The following TENM2 variants were observed in gnomAD, a reference collection of about 807,000 sequenced individuals.
TENM2 encodes the protein teneurin-2.
TENM2 carries 52 observed loss-of-function variants against 245.2 expected under a neutral mutation model. That is an observed-to-expected ratio of 0.21 (90% CI 0.17 to 0.27). The LOEUF (loss-of-function observed/expected upper bound fraction) is 0.27. Ranked by LOEUF, TENM2 falls within the 10% of genes least tolerant of loss-of-function variation. The probability of loss-of-function intolerance (pLI) is 1.00; values close to 1 mark genes in which losing one functional copy is unlikely to be tolerated. For synonymous variants in TENM2, 1,363 were observed against 1,438.9 expected (o/e 0.95, Z 1.19); for missense variants, 3,046 against 3,666.8 (o/e 0.83, Z 4.37).
At chr5:168,195,215 T>G in exon 15 of TENM2, 1 of 1,608,508 alleles carries the variant, frequency 6.2e-7, no homozygotes, top group Non-Finnish European at 8.5e-7. Context: ...TAACTACAGA[T>G]GGAACTCCCC....
the TENM2 span, among the ~76,000 whole-genome samples, chr5:166,980,597 A>G: frequency 2.0e-5 from 3 of 152,150 alleles, no homozygotes; most frequent in Non-Finnish European, 4.4e-5. Flanking sequence ...TTAAGTTTTC[A>G]GTTCCAGTTG....
chr5:168,210,820 G>C (rs921802124), intron 19 of TENM2, among the ~76,000 whole-genome samples: 2 of 151,888 alleles, frequency 1.3e-5, no homozygotes, highest in Non-Finnish European at 2.9e-5. Flanking sequence ...TTCCACTTTG[G>C]CCTAGAAGCC....
At chr5:168,134,809 C>T (rs933220602) in intron 12 of TENM2, among the ~76,000 whole-genome samples, 1 of 152,202 alleles carries the variant, frequency 6.6e-6, no homozygotes, top group Non-Finnish European at 1.5e-5. Context: ...CTTTTCCAAA[C>T]AAAGGTTGTT....
intron 2 of TENM2, among the ~76,000 whole-genome samples, chr5:167,803,463 C>T (rs1186511891): frequency 6.6e-6 from 1 of 152,060 alleles, no homozygotes; most frequent in Admixed American, 6.6e-5. Context: ...CTTTCCTAGT[C>T]TCCATTTTTC....
intron 1 of TENM2, among the ~76,000 whole-genome samples, chr5:167,322,353 C>T (rs1208709916): frequency 6.6e-6 from 1 of 152,088 alleles, no homozygotes. Context: ...CTGTTAGCCA[C>T]CCATACCGTG....
chr5:168,026,899 A>T (rs948367079), intron 5 of TENM2, among the ~76,000 whole-genome samples: 18 of 152,226 alleles, frequency 1.2e-4, no homozygotes, highest in Non-Finnish European at 2.2e-4. Context: ...GCATACACAG[A>T]TAAAACCAAG....
the TENM2 span, among the ~76,000 whole-genome samples, chr5:167,179,366 A>G: frequency 2.6e-5 from 4 of 152,160 alleles, no homozygotes; most frequent in East Asian, 7.7e-4. Context: ...AGACAGATTT[A>G]TTTTTATGTT....
chr5:167,755,991 C>T (rs1762286844), intron 2 of TENM2, among the ~76,000 whole-genome samples: 1 of 152,094 alleles, frequency 6.6e-6, no homozygotes, highest in Admixed American at 6.6e-5. Flanking sequence ...GAGTTGCTCT[C>T]ATTTTATTAG....
intron 2 of TENM2, among the ~76,000 whole-genome samples, chr5:167,403,224 T>C (rs2127389282): frequency 6.6e-6 from 1 of 152,178 alleles, no homozygotes; most frequent in Non-Finnish European, 1.5e-5. Context: ...AGAATAATAC[T>C]AATACATTTG....
At chr5:168,209,712 G>A (rs1156908649) in intron 19 of TENM2, among the ~76,000 whole-genome samples, 2 of 152,240 alleles carry the variant, frequency 1.3e-5, no homozygotes, top group African/African-American at 4.8e-5. Flanking sequence ...CCAAGGCAAA[G>A]TCTGCCCAGC....
intron 6 of TENM2, among the ~76,000 whole-genome samples, chr5:168,057,549 T>G (rs1166224841): frequency 6.6e-6 from 1 of 152,164 alleles, no homozygotes; most frequent in African/African-American, 2.4e-5. Flanking sequence ...AATCATTCAT[T>G]TACACCTGTT....
intron 1 of TENM2, among the ~76,000 whole-genome samples, chr5:167,316,315 A>G (rs1332512336): frequency 6.6e-6 from 1 of 152,172 alleles, no homozygotes; most frequent in Non-Finnish European, 1.5e-5. Flanking sequence ...TCACCAATGG[A>G]TAAATTACCC....
At chr5:167,949,406 A>G (rs1779899755) in intron 3 of TENM2, among the ~76,000 whole-genome samples, 1 of 152,182 alleles carries the variant, frequency 6.6e-6, no homozygotes. Context: ...TGCCCTAGAT[A>G]GATGAAATTT....
intron 2 of TENM2, among the ~76,000 whole-genome samples, chr5:167,676,734 C>A (rs1306612860): frequency 6.6e-6 from 1 of 152,170 alleles, no homozygotes; most frequent in African/African-American, 2.4e-5. Context: ...CTGCATTCAT[C>A]TCTTATAAAT....
chr5:167,431,305 A>T (rs1377444790), intron 2 of TENM2, among the ~76,000 whole-genome samples: 1 of 152,206 alleles, frequency 6.6e-6, no homozygotes, highest in Non-Finnish European at 1.5e-5. Context: ...CAGAAGAGAT[A>T]CAAAATGACT....
At chr5:167,701,968 G>A (rs1368220070) in intron 2 of TENM2, among the ~76,000 whole-genome samples, 2 of 152,138 alleles carry the variant, frequency 1.3e-5, no homozygotes, top group African/African-American at 4.8e-5. Context: ...GTTTTGGCAA[G>A]TAGAGGTATA....
intron 2 of TENM2, among the ~76,000 whole-genome samples, chr5:167,462,181 A>ACCCCCCC: frequency 1.3e-5 from 1 of 75,058 alleles, no homozygotes; most frequent in Non-Finnish European, 2.7e-5. Flanking sequence ...CCTGACCCCC[A>ACCCCCCC]CCCCCCCCCC....
At chr5:167,558,101 G>A (rs183702522) in intron 2 of TENM2, among the ~76,000 whole-genome samples, 1 of 152,282 alleles carries the variant, frequency 6.6e-6, no homozygotes, top group East Asian at 1.9e-4. Flanking sequence ...GAACCACTAA[G>A]GAATGGGTTC....
At chr5:167,255,120 A>G in the TENM2 span, among the ~76,000 whole-genome samples, 1 of 148,864 alleles carries the variant, frequency 6.7e-6, no homozygotes, top group Non-Finnish European at 1.5e-5. Context: ...TATGCTACTG[A>G]AAGTTCTTTG....
Sources: gnomAD v4.1 joint callset for allele counts (sites outside exome capture counted in the v4.1 genomes callset) on GRCh38, gnomAD v4.1.1 for gene constraint, MANE v1.5 for transcripts, NCBI Gene and HGNC (gene_info 2026-07-23, HGNC 2026-07-21) for gene names.